Variants in APBA2 observed in about 807,000 individuals in gnomAD.
APBA2 encodes amyloid beta precursor protein binding family A member 2.
A neutral mutation model predicts 75.0 loss-of-function variants in APBA2; 30 were observed. The ratio of observed to expected loss-of-function variants is 0.40; its 90% CI spans 0.30 to 0.54. The LOEUF (loss-of-function observed/expected upper bound fraction) is 0.54. Ranked by LOEUF, APBA2 falls within the 20% of genes least tolerant of loss-of-function variation. The pLI is 0.49. For synonymous variants in APBA2, 444 were observed against 409.6 expected, an observed-to-expected ratio of 1.08 and a Z score of -1.01; for missense variants, 801 against 1,016.1, an observed-to-expected ratio of 0.79 and a Z score of 2.88.
intron 1 of APBA2, among the ~76,000 whole-genome samples, chr15:28,889,231 C>G (rs2031968966): frequency 6.6e-6 from 1 of 152,192 alleles, no homozygotes; most frequent in Non-Finnish European, 1.5e-5. Context: ...AGCCAATCTT[C>G]CCCTCTCTCC....
At chr15:29,064,268 C>T (rs560834678) in intron 4 of APBA2, among the ~76,000 whole-genome samples, 2 of 152,276 alleles carry the variant, frequency 1.3e-5, no homozygotes, top group South Asian at 4.1e-4. Context: ...AGTTTCCACC[C>T]CGAATTCACA....
At chr15:28,993,657 G>A (rs571601942) in intron 2 of APBA2, among the ~76,000 whole-genome samples, 1 of 152,326 alleles carries the variant, frequency 6.6e-6, no homozygotes, top group African/African-American at 2.4e-5. Context: ...CCTGGGCGGT[G>A]TGATGATTCT....
intron 2 of APBA2, among the ~76,000 whole-genome samples, chr15:28,945,586 T>C (rs2035500222): frequency 6.6e-6 from 1 of 151,798 alleles, no homozygotes; most frequent in Non-Finnish European, 1.5e-5. Context: ...GTGGCCAATC[T>C]TGGTTCACTG....
chr15:29,109,254 G>A (rs1037157273), intron 13 of APBA2, among the ~76,000 whole-genome samples: 4 of 152,186 alleles, frequency 2.6e-5, no homozygotes, highest in Admixed American at 2.6e-4. Flanking sequence ...CTTCTCCATT[G>A]TTTTCTGGTG....
chr15:28,906,060 C>T (rs2033116847), intron 1 of APBA2, among the ~76,000 whole-genome samples: 2 of 151,928 alleles, frequency 1.3e-5, no homozygotes, highest in Non-Finnish European at 2.9e-5. Flanking sequence ...TTGTCTTTTA[C>T]ACAAATACAT....
At chr15:28,888,149 T>TC (rs1412586420) in intron 1 of APBA2, among the ~76,000 whole-genome samples, 4 of 152,026 alleles carry the variant, frequency 2.6e-5, no homozygotes, top group Non-Finnish European at 5.9e-5. Context: ...CCTCTTTTTT[T>TC]CAACAAAATG....
intron 1 of APBA2, among the ~76,000 whole-genome samples, chr15:28,917,985 C>T (rs907468722): frequency 2.0e-5 from 3 of 152,228 alleles, no homozygotes; most frequent in Non-Finnish European, 2.9e-5. Context: ...CTGCCTACCC[C>T]AGCTCAGCTG....
At chr15:28,916,492 CT>C (rs1343634923) in intron 1 of APBA2, among the ~76,000 whole-genome samples, 1 of 152,266 alleles carries the variant, frequency 6.6e-6, no homozygotes, top group African/African-American at 2.4e-5. Flanking sequence ...TCCAGGCCCC[CT>C]CTGCTCCCAC....
chr15:28,906,709 G>C (rs989328385), intron 1 of APBA2, among the ~76,000 whole-genome samples: 5 of 152,186 alleles, frequency 3.3e-5, no homozygotes, highest in African/African-American at 9.7e-5. Context: ...GGTATAAAGT[G>C]ATAGCTTATT....
At chr15:28,955,756 T>G (rs949991489) in intron 2 of APBA2, among the ~76,000 whole-genome samples, 9 of 152,178 alleles carry the variant, frequency 5.9e-5, no homozygotes, top group Non-Finnish European at 1.3e-4. Context: ...TCCTCCCAGG[T>G]GCCTAGGGAG....
intron 3 of APBA2, among the ~76,000 whole-genome samples, chr15:29,005,680 C>A (rs2039077674): frequency 6.6e-6 from 1 of 152,114 alleles, no homozygotes; most frequent in Admixed American, 6.5e-5. Flanking sequence ...TCCTGGCCAA[C>A]ATGGTGCAAC....
At chr15:29,004,975 C>T (rs983267709) in intron 3 of APBA2, among the ~76,000 whole-genome samples, 7 of 152,020 alleles carry the variant, frequency 4.6e-5, no homozygotes, top group African/African-American at 7.2e-5. Flanking sequence ...CCATCACGCC[C>T]GGCCAGGGAC....
At chr15:28,973,588 A>C (rs1163533511) in intron 2 of APBA2, among the ~76,000 whole-genome samples, 2 of 152,344 alleles carry the variant, frequency 1.3e-5, no homozygotes, top group Non-Finnish European at 2.9e-5. Context: ...ATGATGTGGG[A>C]AACTTTGGCG....
At chr15:29,111,158 G>C (rs1398013138) in intron 13 of APBA2, among the ~76,000 whole-genome samples, 1 of 152,038 alleles carries the variant, frequency 6.6e-6, no homozygotes, top group Non-Finnish European at 1.5e-5. Context: ...CCACGGCTCG[G>C]TGTCTCTGCC....
intron 6 of APBA2, among the ~76,000 whole-genome samples, chr15:29,086,917 T>TC (rs1322027346): frequency 6.6e-6 from 1 of 152,196 alleles, no homozygotes; most frequent in Non-Finnish European, 1.5e-5. Context: ...CCCCTATTTA[T>TC]CCCCCCACCT....
intron 6 of APBA2, 115 bp downstream of exon 6, chr15:29,076,206 A>G (rs977568790): frequency 9.8e-6 from 11 of 1,122,298 alleles, no homozygotes; most frequent in Non-Finnish European, 1.5e-5. Flanking sequence ...GTGCCTACCT[A>G]CCAGCAAGGT....
intron 2 of APBA2, among the ~76,000 whole-genome samples, chr15:28,955,742 A>G (rs895711152): frequency 1.4e-5 from 2 of 145,244 alleles, no homozygotes; most frequent in Non-Finnish European, 2.9e-5. Context: ...GTGTTCATCA[A>G]AGCTCCTCCC....
At chr15:28,928,075 C>T (rs953739179) in intron 2 of APBA2, among the ~76,000 whole-genome samples, 4 of 145,458 alleles carry the variant, frequency 2.7e-5, no homozygotes, top group East Asian at 2.1e-4. Flanking sequence ...ACCTGGGAGG[C>T]GGAACTTGCA....
chr15:29,054,960 G>A lies in APBA2; in HGVS notation c.951+125G>A, dbSNP rs907897434. ...TGCTGGGTGCCTCACAGTTCTAATG[G>A]TGGCTGAGCTCTTCATTGGTCCAGT... On this transcript the variant is annotated intron_variant, in intron 4 of 14. Transcript: ENST00000683413. This position sits in a 1 kb window ranked among gnomAD's most constrained non-coding sequence, Gnocchi z 6.1. The A allele has an allele frequency of 1.1e-6, 1 of 898,534 alleles. No individual in the cohort carries two copies. The allele number at this position is 898,534 out of a possible 1,614,324, so 55.7% of individuals were successfully genotyped here.
Sources: gnomAD v4.1 joint callset for allele counts (sites outside exome capture counted in the v4.1 genomes callset) on GRCh38, gnomAD v4.1.1 for gene constraint, Gnocchi (gnomAD v3.1) non-coding constraint, MANE v1.5 for transcripts, NCBI Gene and HGNC (gene_info 2026-07-23, HGNC 2026-07-21) for gene names.